The following NSG2 variants were observed in gnomAD, a reference collection of about 807,000 sequenced individuals.
NSG2 encodes neuronal vesicle trafficking associated 2.
Under a neutral mutation model 16.9 loss-of-function variants are expected in NSG2, and 4 were observed. The ratio of observed to expected loss-of-function variants is 0.24; its 90% CI spans 0.12 to 0.54. The LOEUF (loss-of-function observed/expected upper bound fraction) is 0.54. Ranked by LOEUF, NSG2 falls within the 20% of genes least tolerant of loss-of-function variation. The probability of loss-of-function intolerance (pLI) is 0.95; values close to 1 mark genes in which losing one functional copy is unlikely to be tolerated. For synonymous variants in NSG2, 98 were observed against 88.7 expected (o/e 1.11, Z -0.59); for missense variants, 179 against 221.1 (o/e 0.81, Z 1.21).
intron 3 of NSG2, among the ~76,000 whole-genome samples, chr5:174,084,533 G>A (rs114370627): frequency 0.016 from 2,400 of 152,250 alleles, 27 homozygotes; most frequent in Non-Finnish European, 0.023. Context: ...TTCCTTCCAC[G>A]GAGCCTGTAG....
intron 3 of NSG2, among the ~76,000 whole-genome samples, chr5:174,073,459 T>C (rs989762120): frequency 6.6e-6 from 1 of 152,240 alleles, no homozygotes; most frequent in South Asian, 2.1e-4. Context: ...AATTTGCACA[T>C]GAGGACTTGG....
chr5:174,049,637 G>T (rs1017801427), intron 2 of NSG2, among the ~76,000 whole-genome samples: 5 of 152,292 alleles, frequency 3.3e-5, no homozygotes, highest in Middle Eastern at 3.4e-3. Flanking sequence ...AGGCAGTGCT[G>T]TTCCAGAACC....
chr5:174,053,525 G>A (rs1581217030), intron 2 of NSG2, among the ~76,000 whole-genome samples: 1 of 152,010 alleles, frequency 6.6e-6, no homozygotes, highest in Non-Finnish European at 1.5e-5. Context: ...TTTTCTCTCC[G>A]AGACACAGGA....
At chr5:174,077,380 AT>A (rs1760363506) in intron 3 of NSG2, among the ~76,000 whole-genome samples, 1 of 151,956 alleles carries the variant, frequency 6.6e-6, no homozygotes, top group South Asian at 2.1e-4. Flanking sequence ...GCTTCTCTTG[AT>A]CATTAGGGTA....
At chr5:174,101,020 G>A (rs1324744045) in intron 3 of NSG2, among the ~76,000 whole-genome samples, 1 of 152,216 alleles carries the variant, frequency 6.6e-6, no homozygotes, top group Non-Finnish European at 1.5e-5. Context: ...GCATCAGGCT[G>A]GAGGCAATGG....
At chr5:174,070,753 T>C (rs1297219987) in intron 3 of NSG2, among the ~76,000 whole-genome samples, 1 of 152,142 alleles carries the variant, frequency 6.6e-6, no homozygotes, top group East Asian at 1.9e-4. Context: ...CTGGGCTCTG[T>C]AGGGTCATGA....
chr5:174,055,568 C>A (rs1223150757), intron 2 of NSG2, among the ~76,000 whole-genome samples: 3 of 152,040 alleles, frequency 2.0e-5, no homozygotes, highest in Non-Finnish European at 4.4e-5. Context: ...CCACCGCACT[C>A]CAGCCTGGGC....
chr5:174,094,831 G>T (rs1760769536), intron 3 of NSG2, among the ~76,000 whole-genome samples: 1 of 152,166 alleles, frequency 6.6e-6, no homozygotes, highest in Non-Finnish European at 1.5e-5. Flanking sequence ...CCAGTGCTTT[G>T]TACCAAAAGT....
intron 4 of NSG2, among the ~76,000 whole-genome samples, chr5:174,106,217 C>T (rs751074360): frequency 2.6e-5 from 4 of 152,100 alleles, no homozygotes; most frequent in South Asian, 2.1e-4. Flanking sequence ...AAGGCTTCTT[C>T]GGATCTATCT....
At chr5:174,070,163 A>G (rs1406868438) in intron 3 of NSG2, among the ~76,000 whole-genome samples, 2 of 147,540 alleles carry the variant, frequency 1.4e-5, no homozygotes, top group African/African-American at 4.9e-5. Flanking sequence ...CTGGGATTAC[A>G]GGTGTGAGCC....
chr5:174,055,601 AAAAAAT>A (rs1381128096), intron 2 of NSG2, among the ~76,000 whole-genome samples: 3 of 152,156 alleles, frequency 2.0e-5, no homozygotes, highest in Non-Finnish European at 1.5e-5. Flanking sequence ...CTCTGTCTCA[AAAAAAT>A]AAAAATAAAA....
chr5:174,056,378 A>C (rs989984347), intron 2 of NSG2: 2 of 152,242 alleles, frequency 1.3e-5, no homozygotes, highest in Non-Finnish European at 2.9e-5. Context: ...TTTACAAAAA[A>C]CCCAAAACCA....
In NSG2 at chr5:174,107,291, G is replaced by A. The variant is rs1456093091; in HGVS notation, c.325-23G>A. 6.5e-7 allele frequency: 1 copy of A among 1,530,872 alleles called. No homozygotes were observed. The highest frequency in any genetic ancestry group is 8.8e-7 in the Non-Finnish European group (1 of 1,134,114). The allele number at this position is 1,530,872 out of a possible 1,614,324, so 94.8% of individuals were successfully genotyped here. A position where few individuals can be genotyped will look rare whatever the true frequency, so the allele number is the denominator to read the frequency against. On this transcript the variant is annotated intron_variant, in intron 4 of 4. Coordinates refer to ENST00000303177, the MANE Select transcript of NSG2 (RefSeq NM_015980.5). This position sits in a 1 kb window ranked among gnomAD's most constrained non-coding sequence, Gnocchi z 4.5. Reference sequence around the variant, plus strand: ...GGGAGCAGTTTGCTGAATGACCCCTGACTCTGTCTCTTTCTTCCCCAGCAC... The same window carrying A: ...GGGAGCAGTTTGCTGAATGACCCCTAACTCTGTCTCTTTCTTCCCCAGCAC...
At chr5:174,061,116 T>C (rs570640960) in intron 2 of NSG2, among the ~76,000 whole-genome samples, 1 of 151,256 alleles carries the variant, frequency 6.6e-6, no homozygotes, top group African/African-American at 2.5e-5. Context: ...TATTAATAGA[T>C]ATGTTACATG....
At chr5:174,061,607 T>C (rs1429762289) in intron 2 of NSG2, among the ~76,000 whole-genome samples, 1 of 152,002 alleles carries the variant, frequency 6.6e-6, no homozygotes, top group African/African-American at 2.4e-5. Context: ...TCCAAAACTC[T>C]TTTTTTTCTT....
At chr5:174,052,294 G>A (rs1759901542) in intron 2 of NSG2, among the ~76,000 whole-genome samples, 1 of 152,174 alleles carries the variant, frequency 6.6e-6, no homozygotes, top group Non-Finnish European at 1.5e-5. Flanking sequence ...TAGTGGGGCA[G>A]TGGCAGTGGG....
At chr5:174,077,487 G>A (rs1459811286) in intron 3 of NSG2, among the ~76,000 whole-genome samples, 4 of 152,074 alleles carry the variant, frequency 2.6e-5, no homozygotes, top group South Asian at 2.1e-4. Context: ...ATTACCTGTC[G>A]AATTCTCGAC....
rs1410178255 is a variant in NSG2, at chr5:174,046,741, A to G, written c.-15A>G. 1 of 1,613,788 alleles carries G rather than the reference A, an allele frequency of 6.2e-7. No homozygotes were observed. Among genetic ancestry groups the G allele is most frequent in the African/African-American group, 1.3e-5 (1 of 74,876 alleles). On this transcript the variant is annotated 5_prime_UTR_variant, in exon 2 of 5. Coordinates refer to ENST00000303177, the MANE Select transcript of NSG2 (RefSeq NM_015980.5). ...TCCCACTGCTTGCCTTAGGTCTGGG[A>G]AGAAAGGCGTAAGGATGGTGAAGCT... is the stretch of plus-strand genomic sequence containing the variant.
intron 3 of NSG2, among the ~76,000 whole-genome samples, chr5:174,089,835 G>A (rs1760694575): frequency 1.3e-5 from 2 of 152,016 alleles, no homozygotes; most frequent in South Asian, 4.2e-4. Flanking sequence ...TGCCCAGGCT[G>A]GTCTTGAACT....
Sources: gnomAD v4.1 joint callset for allele counts (sites outside exome capture counted in the v4.1 genomes callset) on GRCh38, gnomAD v4.1.1 for gene constraint, Gnocchi (gnomAD v3.1) non-coding constraint, MANE v1.5 for transcripts, NCBI Gene and HGNC (gene_info 2026-07-23, HGNC 2026-07-21) for gene names.